XPNPEP1: variants seen among roughly 807,000 people sequenced by gnomAD.
The protein encoded by XPNPEP1 is xaa-Pro aminopeptidase 1.
Under a neutral mutation model 92.4 loss-of-function variants are expected in XPNPEP1, and 39 were observed. The ratio of observed to expected loss-of-function variants is 0.42; its 90% CI spans 0.33 to 0.55. XPNPEP1 has a LOEUF of 0.55. Among genes scored for constraint, XPNPEP1 ranks in the 20% least tolerant of loss-of-function variants. XPNPEP1 has a pLI of 0.08. For synonymous variants in XPNPEP1, 307 were observed against 299.4 expected (o/e 1.03, Z -0.26); for missense variants, 654 against 856.1 (o/e 0.76, Z 2.95).
chr10:109,895,915 C>T (rs1273138298), intron 3 of XPNPEP1, among the ~76,000 whole-genome samples: 1 of 152,194 alleles, frequency 6.6e-6, no homozygotes, highest in Non-Finnish European at 1.5e-5. Context: ...TAAAACCCTC[C>T]AATGGCTTCC....
rs370369469 is a variant in XPNPEP1, at chr10:109,888,002, G to A, written c.652+47C>T. On this transcript the variant is annotated intron_variant, in intron 7 of 20. Transcript: ENST00000502935. The stretch of plus-strand genomic sequence containing the variant: ...AGGCTGGAGACAATAGCAAGAGGTG[G>A]GGGGACAATGGCAGGGGCCCTGCTG... The A allele has an allele frequency of 2.4e-5, 38 of 1,606,250 alleles. No individual in the cohort carries two copies. In the African/African-American group the frequency reaches 3.9e-4, roughly 16 times the overall value.
chr10:109,874,551 T>A (rs1330912421), intron 15 of XPNPEP1, among the ~76,000 whole-genome samples: 1 of 152,218 alleles, frequency 6.6e-6, no homozygotes, highest in Non-Finnish European at 1.5e-5. Context: ...CACCCCTGTG[T>A]CCCAAGGCCA....
chr10:109,888,390 A>G, intron 6 of XPNPEP1, 113 bp downstream of exon 6: 1 of 1,266,170 alleles, frequency 7.9e-7, no homozygotes, highest in Non-Finnish European at 1.1e-6. Context: ...CTACTATAAA[A>G]TCAGTCATGC....
intron 6 of XPNPEP1, 52 bp downstream of exon 6, chr10:109,888,451 G>T: frequency 6.6e-7 from 1 of 1,521,354 alleles, no homozygotes. Flanking sequence ...GAATGGAGGG[G>T]AATCTAGAAG....
Position 109,878,022 on chromosome 10 carries a change from C to G in XPNPEP1, c.1219G>C (p.Asp407His). Residue 407 changes from aspartate (D) to histidine (H), a missense_variant, in exon 13 of 21, where the codon GAC (aspartate) becomes CAC (histidine). Coordinates refer to ENST00000502935, the MANE Select transcript of XPNPEP1 (RefSeq NM_020383.4). Reference protein sequence around the residue: ...KGGVTEISAADKAEEFRRQQA... With the variant: ...KGGVTEISAAHKAEEFRRQQA... ...TACCTGCGAAACTCCTCAGCTTTGT[C>G]AGCAGCTGAGATCTCTGTCACACCA... is the stretch of plus-strand genomic sequence containing the variant. 1 of 1,614,236 alleles carries G rather than the reference C, an allele frequency of 6.2e-7. No individual in the cohort carries two copies. Among genetic ancestry groups the G allele is most frequent in the African/African-American group, 1.3e-5 (1 of 75,068 alleles).
rs1847230327 is a variant in XPNPEP1, at chr10:109,867,944, T to C, written c.1872+670A>G. On this transcript the variant is annotated intron_variant, in intron 20 of 20. Transcript: ENST00000502935. This position sits in a 1 kb window ranked among gnomAD's most constrained non-coding sequence, Gnocchi z 4.5. ...GCTCTGACCTTGAACATCTGTGTGA[T>C]TCTTCAGGCCTTTCTCATGTCCCCA... Among the ~76,000 whole-genome samples the C allele has an allele frequency of 6.6e-6, 1 of 152,190 alleles. No individual in the cohort carries two copies. Among genetic ancestry groups the C allele is most frequent in the African/African-American group, 2.4e-5 (1 of 41,458 alleles).
chr10:109,915,979 C>T (rs368165775), intron 1 of XPNPEP1, among the ~76,000 whole-genome samples: 11 of 152,164 alleles, frequency 7.2e-5, no homozygotes, highest in African/African-American at 2.7e-4. Flanking sequence ...CAACAGTGAA[C>T]AAAACAGACA....
intron 3 of XPNPEP1, among the ~76,000 whole-genome samples, chr10:109,900,153 C>T (rs1849205071): frequency 6.6e-6 from 1 of 152,224 alleles, no homozygotes. Context: ...TACGTTTTCT[C>T]TCTTGCAGGG....
intron 3 of XPNPEP1, among the ~76,000 whole-genome samples, chr10:109,902,655 G>T (rs1005949525): frequency 6.6e-6 from 1 of 152,212 alleles, no homozygotes; most frequent in Non-Finnish European, 1.5e-5. Context: ...GTGGAGAGGG[G>T]TGATGAAGAT....
chr10:109,910,571 A>C (rs202201096), intron 2 of XPNPEP1, among the ~76,000 whole-genome samples: 1 of 151,868 alleles, frequency 6.6e-6, no homozygotes, highest in East Asian at 1.9e-4. Flanking sequence ...GACAATATGC[A>C]TTTAAGGTTC....
At chr10:109,878,181 A>G (rs971709631) in intron 12 of XPNPEP1, 123 bp from the exon 13 acceptor site, 2 of 1,019,486 alleles carry the variant, frequency 2.0e-6, no homozygotes, top group African/African-American at 1.6e-5. Context: ...TGACCAATCT[A>G]CAGGACACAT....
chr10:109,890,648 A>G (rs1390817233), intron 5 of XPNPEP1, among the ~76,000 whole-genome samples: 2 of 151,886 alleles, frequency 1.3e-5, no homozygotes, highest in Non-Finnish European at 2.9e-5. Flanking sequence ...AATCAACTGC[A>G]GCAACAGGCA....
intron 1 of XPNPEP1, among the ~76,000 whole-genome samples, chr10:109,916,343 C>T (rs1564796250): frequency 1.5e-5 from 2 of 135,082 alleles, no homozygotes; most frequent in Non-Finnish European, 3.1e-5. Flanking sequence ...TGAGGAAAAG[C>T]AAGAAGGTCA....
chr10:109,881,433 C>T (rs1404349634), intron 10 of XPNPEP1, among the ~76,000 whole-genome samples: 2 of 152,064 alleles, frequency 1.3e-5, no homozygotes, highest in African/African-American at 4.8e-5. Flanking sequence ...CTGGAGAAGA[C>T]CCTTTCCAAT....
intron 20 of XPNPEP1, among the ~76,000 whole-genome samples, chr10:109,866,119 A>G (rs1038676715): frequency 3.3e-5 from 5 of 152,232 alleles, no homozygotes; most frequent in African/African-American, 1.2e-4. Flanking sequence ...GCTGTCTGGA[A>G]GCTGATGAGA....
chr10:109,868,563 A>G, intron 20 of XPNPEP1, 51 bp downstream of exon 20: 1 of 1,394,448 alleles, frequency 7.2e-7, no homozygotes, highest in Non-Finnish European at 1.0e-6. Flanking sequence ...TATTTAAGGT[A>G]GTCTCCACCT....
intron 12 of XPNPEP1, among the ~76,000 whole-genome samples, chr10:109,878,735 GA>G (rs1013361842): frequency 1.3e-5 from 2 of 151,926 alleles, no homozygotes; most frequent in African/African-American, 2.4e-5. Flanking sequence ...AAAAAAATCA[GA>G]AAAAATCAGG....
rs547502547 is a variant in XPNPEP1, at chr10:109,872,552, G to T, written c.1453-691C>A. On this transcript the variant is annotated intron_variant, in intron 16 of 20. Coordinates refer to ENST00000502935, the MANE Select transcript of XPNPEP1 (RefSeq NM_020383.4). Reference sequence around the variant, plus strand: ...ACACCAAAAGAATCCTAGACGCAAGGTCCAAATTCTTCTAAGGCACTGGTG... The same window carrying T: ...ACACCAAAAGAATCCTAGACGCAAGTTCCAAATTCTTCTAAGGCACTGGTG... Among the ~76,000 whole-genome samples the T allele has an allele frequency of 2.6e-4, 40 of 152,334 alleles. No individual in the cohort carries two copies. In the South Asian group the frequency reaches 8.3e-3, roughly 32 times the overall value.
intron 2 of XPNPEP1, among the ~76,000 whole-genome samples, chr10:109,909,308 A>G (rs948597349): frequency 6.6e-6 from 1 of 152,162 alleles, no homozygotes; most frequent in Non-Finnish European, 1.5e-5. Flanking sequence ...GGAGTGGATG[A>G]GACCCAAGGT....
Sources: allele counts gnomAD v4.1 joint callset (sites outside exome capture counted in the v4.1 genomes callset), GRCh38; gene constraint gnomAD v4.1.1; non-coding constraint Gnocchi (gnomAD v3.1); transcripts MANE v1.5; gene names NCBI Gene and HGNC (gene_info 2026-07-23, HGNC 2026-07-21).